The following SHANK2 variants were observed in gnomAD, a reference collection of about 807,000 sequenced individuals.
SHANK2 encodes SH3 and multiple ankyrin repeat domains protein 2.
In SHANK2, 43 loss-of-function variants were observed where a neutral mutation model predicts 133.7. The observed-to-expected ratio is 0.32, with a 90% CI of 0.25 to 0.41. SHANK2 has a LOEUF of 0.41. SHANK2 is among the 10% of genes least tolerant of loss of function. SHANK2 has a pLI of 1.00. For synonymous variants in SHANK2, 1,017 were observed against 952.8 expected (o/e 1.07, Z -1.24); for missense variants, 1,994 against 2,235.8 (o/e 0.89, Z 2.18).
chr11:70,931,651 T>C lies in SHANK2; in HGVS notation c.1108-35084A>G, dbSNP rs189841539. On this transcript the variant is annotated intron_variant, in intron 10 of 25. Coordinates refer to ENST00000601538, the MANE Select transcript of SHANK2 (RefSeq NM_012309.5). ...ATCTCTAAGCCCTCACCCGCCCCTCTGAAAGGGGCAAGAGAAGGTGTCTGG... is the reference window on the plus strand; with the variant it reads ...ATCTCTAAGCCCTCACCCGCCCCTCCGAAAGGGGCAAGAGAAGGTGTCTGG... 6.7e-4 allele frequency among the ~76,000 whole-genome samples: 102 copies of C among 152,290 alleles called. 1 individual carries two copies. The highest frequency in any genetic ancestry group is 2.4e-3 in the African/African-American group (98 of 41,558).
chr11:70,618,390 C>T (rs2060784218), intron 17 of SHANK2, among the ~76,000 whole-genome samples: 1 of 151,998 alleles, frequency 6.6e-6, no homozygotes, highest in African/African-American at 2.4e-5. Context: ...AGGGAAAAGT[C>T]TTTGAACAAA....
chr11:71,091,113 T>C (rs782483879), intron 8 of SHANK2, among the ~76,000 whole-genome samples: 14 of 152,210 alleles, frequency 9.2e-5, no homozygotes, highest in Non-Finnish European at 1.8e-4. Flanking sequence ...TTATTTTCCT[T>C]TTTCATAAAG....
intron 14 of SHANK2, among the ~76,000 whole-genome samples, chr11:70,772,034 C>T (rs782037818): frequency 1.3e-4 from 20 of 152,102 alleles, no homozygotes; most frequent in Non-Finnish European, 5.9e-5. Flanking sequence ...TGTGAGACCC[C>T]GGGCAAAATG....
At chr11:70,601,196 T>G (rs2060492361) in intron 17 of SHANK2, among the ~76,000 whole-genome samples, 1 of 150,234 alleles carries the variant, frequency 6.7e-6, no homozygotes, top group Non-Finnish European at 1.5e-5. Flanking sequence ...GGACTATAGG[T>G]GCATGCAACC....
intron 3 of SHANK2, among the ~76,000 whole-genome samples, chr11:71,141,760 T>C (rs1320234551): frequency 3.9e-5 from 6 of 151,904 alleles, no homozygotes; most frequent in Non-Finnish European, 2.9e-5. Flanking sequence ...CCTGCTCCTC[T>C]CCAAAGGCAA....
intron 10 of SHANK2, among the ~76,000 whole-genome samples, chr11:70,922,886 T>A (rs188501155): frequency 1.7e-4 from 25 of 150,544 alleles, no homozygotes; most frequent in Middle Eastern, 6.8e-3. Context: ...AAATACAACA[T>A]CCCCTATACT....
chr11:70,937,034 G>A (rs1771612298), intron 10 of SHANK2, among the ~76,000 whole-genome samples: 1 of 152,170 alleles, frequency 6.6e-6, no homozygotes, highest in African/African-American at 2.4e-5. Flanking sequence ...TAAGTTGGAA[G>A]ACCGAGATTT....
intron 17 of SHANK2, among the ~76,000 whole-genome samples, chr11:70,578,733 G>T (rs1254625212): frequency 2.0e-5 from 3 of 152,216 alleles, no homozygotes; most frequent in African/African-American, 4.8e-5. Flanking sequence ...CAACAGGATG[G>T]CCCATGGAAG....
At chr11:70,870,386 C>T (rs535006213) in intron 11 of SHANK2, among the ~76,000 whole-genome samples, 11 of 152,186 alleles carry the variant, frequency 7.2e-5, no homozygotes, top group Admixed American at 2.0e-4. Context: ...GGCAGGTGAG[C>T]GCCAGGAAAG....
chr11:71,125,767 G>A (rs1590936408), intron 3 of SHANK2, among the ~76,000 whole-genome samples: 1 of 152,138 alleles, frequency 6.6e-6, no homozygotes, highest in East Asian at 1.9e-4. Context: ...GAAAGAAGAT[G>A]GCATCTAGGA....
intron 11 of SHANK2, among the ~76,000 whole-genome samples, chr11:70,888,203 G>T (rs183901036): frequency 7.3e-5 from 11 of 151,674 alleles, no homozygotes; most frequent in Admixed American, 2.0e-4. Context: ...CTGAGGTTAT[G>T]GAGGATATGG....
chr11:71,074,238 G>A (rs1009900977), intron 9 of SHANK2, among the ~76,000 whole-genome samples: 2 of 152,222 alleles, frequency 1.3e-5, no homozygotes, highest in Admixed American at 1.3e-4. Context: ...ACTGCAGCGT[G>A]TGAGAAACAA....
At chr11:70,755,966 C>G (rs1555038808) in intron 14 of SHANK2, among the ~76,000 whole-genome samples, 1 of 152,170 alleles carries the variant, frequency 6.6e-6, no homozygotes, top group Non-Finnish European at 1.5e-5. Flanking sequence ...TGCAGAAAGC[C>G]AAGCCTATGA....
rs568486082 is a variant in SHANK2 at position 71,154,970 on chromosome 11, C to A, written c.-12-7632G>T. Among the ~76,000 whole-genome samples, 13 of 131,636 alleles carry A rather than the reference C, an allele frequency of 9.9e-5. 1 individual carries two copies. The South Asian group carries it at 2.6e-3, about 26-fold the overall frequency. The allele number at this position is 131,636 out of a possible 152,430, so 86.4% of individuals were successfully genotyped here. Reference sequence around the variant, plus strand: ...AGGGATGGACCTACCCCCGCCCACGCTCCCAGAAGAGGGATGGACCTACCC... The same window carrying A: ...AGGGATGGACCTACCCCCGCCCACGATCCCAGAAGAGGGATGGACCTACCC... On this transcript the variant is annotated intron_variant, in intron 2 of 25. Transcript: ENST00000601538.
intron 15 of SHANK2, chr11:70,661,926 C>A: frequency 1.0e-6 from 1 of 968,816 alleles, no homozygotes; most frequent in South Asian, 1.4e-5. Context: ...CCGGAGCCAG[C>A]CGGAGGAAGG....
At chr11:70,802,167 A>G (rs1029823951) in intron 13 of SHANK2, among the ~76,000 whole-genome samples, 2 of 152,158 alleles carry the variant, frequency 1.3e-5, no homozygotes, top group African/African-American at 4.8e-5. Context: ...AAGAAGGTTC[A>G]TCCTCAACAC....
At chr11:70,900,308 C>T (rs1231646589) in intron 10 of SHANK2, among the ~76,000 whole-genome samples, 2 of 151,658 alleles carry the variant, frequency 1.3e-5, no homozygotes, top group Non-Finnish European at 1.5e-5. Flanking sequence ...GAGCCAAGAT[C>T]GTGCCACTGC....
At chr11:70,528,200 C>T (rs782532806) in intron 17 of SHANK2, among the ~76,000 whole-genome samples, 3 of 152,236 alleles carry the variant, frequency 2.0e-5, no homozygotes, top group African/African-American at 4.8e-5. Flanking sequence ...GCCGAGACCC[C>T]GTCCCCAGGC....
intron 17 of SHANK2, among the ~76,000 whole-genome samples, chr11:70,577,171 G>A (rs1040605305): frequency 6.6e-6 from 1 of 152,198 alleles, no homozygotes; most frequent in Non-Finnish European, 1.5e-5. Context: ...ACAGCCCCAG[G>A]AGGACTCGTG....
Sources: allele counts gnomAD v4.1 joint callset (sites outside exome capture counted in the v4.1 genomes callset), GRCh38; gene constraint gnomAD v4.1.1; transcripts MANE v1.5; gene names NCBI Gene and HGNC (gene_info 2026-07-23, HGNC 2026-07-21).